The following GREM1 variants were observed in gnomAD, a reference collection of about 807,000 sequenced individuals.
The protein encoded by GREM1 is gremlin 1, DAN family BMP antagonist.
Under a neutral mutation model 13.1 loss-of-function variants are expected in GREM1, and 6 were observed. The observed-to-expected ratio is 0.46, with a 90% CI of 0.25 to 0.91. GREM1 has a LOEUF of 0.91. Ranked by LOEUF, GREM1 falls within the 40% of genes least tolerant of loss-of-function variation. GREM1 has a pLI of 0.18. For missense variants in GREM1, 185 were observed against 233.9 expected, an observed-to-expected ratio of 0.79 and a Z score of 1.36; for synonymous variants, 98 against 93.7, an observed-to-expected ratio of 1.05 and a Z score of -0.27.
In GREM1 at chr15:32,739,267, AC is replaced by A; in HGVS notation, c.*8026del. The A allele has an allele frequency of 6.6e-6, 1 of 152,102 alleles. No individual in the cohort carries two copies. Among genetic ancestry groups the A allele is most frequent in the East Asian group, 1.9e-4 (1 of 5,190 alleles). 9.4% of individuals were successfully genotyped at this position (152,102 alleles called of 1,614,324 possible). ...CATGCTTCACAGAAACTCTCCTTATACCCCACCTCAATTTTAATCTTTTTCT... is the reference window on the plus strand; with the variant it reads ...CATGCTTCACAGAAACTCTCCTTATACCCACCTCAATTTTAATCTTTTTCT... On this transcript the variant is annotated 3_prime_UTR_variant, in exon 2 of 2. Coordinates refer to ENST00000651154, the MANE Select transcript of GREM1 (RefSeq NM_013372.7).
rs1335343582 is a variant in GREM1, at chr15:32,718,180, G to T, written c.-2+19G>T. Reference sequence around the variant, plus strand: ...CTGACAGGTGAGCGCGGACGCACCCGGCAGGGATGTGAGTGGGCGGAGGGA... The same window carrying T: ...CTGACAGGTGAGCGCGGACGCACCCTGCAGGGATGTGAGTGGGCGGAGGGA... On this transcript the variant is annotated intron_variant, in intron 1 of 1. Transcript: ENST00000651154. 3 of 1,340,412 alleles carry T rather than the reference G, an allele frequency of 2.2e-6. No individual in the cohort carries two copies. Among genetic ancestry groups the T allele is most frequent in the Non-Finnish European group, 2.9e-6 (3 of 1,018,002 alleles). 83.0% of individuals were successfully genotyped at this position (1,340,412 alleles called of 1,614,324 possible).
At chr15:32,724,043 G>A (rs982099384) in intron 1 of GREM1, among the ~76,000 whole-genome samples, 3 of 152,288 alleles carry the variant, frequency 2.0e-5, no homozygotes, top group Middle Eastern at 3.4e-3. Flanking sequence ...TAATAATCAT[G>A]CATTTACCAA....
In GREM1 at chr15:32,731,170, A is replaced by C; in HGVS notation, c.480A>C (p.Glu160Asp). The C allele has an allele frequency of 6.2e-7, 1 of 1,614,118 alleles. No individual in the cohort carries two copies. Among genetic ancestry groups the C allele is most frequent in the Non-Finnish European group, 8.5e-7 (1 of 1,179,988 alleles). Residue 160 changes from glutamate (E) to aspartate (D), a missense_variant, in exon 2 of 2, where the codon GAA becomes GAC. Coordinates refer to ENST00000651154, the MANE Select transcript of GREM1 (RefSeq NM_013372.7). ...TTMMVTLNCPELQPPTKKKRV... is the reference protein window; with the variant it reads ...TTMMVTLNCPDLQPPTKKKRV... ...TGATGGTCACACTCAACTGCCCTGAACTACAGCCACCTACCAAGAAGAAGA... is the reference window on the plus strand; with the variant it reads ...TGATGGTCACACTCAACTGCCCTGACCTACAGCCACCTACCAAGAAGAAGA...
chr15:32,718,569 G>T, intron 1 of GREM1: 1 of 433,550 alleles, frequency 2.3e-6, no homozygotes, highest in Non-Finnish European at 4.6e-6. Context: ...CTGACTGCGC[G>T]GCGAGTTGCC....
Position 32,744,298 on chromosome 15 carries a change from G to C in GREM1, c.*13053G>C, listed in dbSNP as rs1202072648. 6.6e-6 allele frequency: 1 copy of C among 152,216 alleles called. No homozygotes were observed. The highest frequency in any genetic ancestry group is 6.5e-5 in the Admixed American group (1 of 15,270). 9.4% of individuals were successfully genotyped at this position (152,216 alleles called of 1,614,324 possible). ...TTAAGAAAGTTTCAGACAGGGCTGG[G>C]CGCGGTGGCTCACACCTGTTAATCC... On this transcript the variant is annotated 3_prime_UTR_variant, in exon 2 of 2. Coordinates refer to ENST00000651154, the MANE Select transcript of GREM1 (RefSeq NM_013372.7).
In GREM1 at chr15:32,742,855, A is replaced by G. The variant is rs976835620; in HGVS notation, c.*11610A>G. The G allele has an allele frequency of 6.6e-6, 1 of 152,238 alleles. No homozygotes were observed. Among genetic ancestry groups the G allele is most frequent in the African/African-American group, 2.4e-5 (1 of 41,466 alleles). The allele number at this position is 152,238 out of a possible 1,614,324, so 9.4% of individuals were successfully genotyped here. On this transcript the variant is annotated 3_prime_UTR_variant, in exon 2 of 2. Transcript: ENST00000651154. ...AGAATAAAATTGGACCCTATCTTAT[A>G]CCAAAAATCAACTCAAAATGGATTA...
rs1371629238 is a variant in GREM1 at position 32,743,754 on chromosome 15, T to A, written c.*12509T>A. The stretch of plus-strand genomic sequence containing the variant: ...TGTAAGGAAACAAAGCTGGCTTACT[T>A]GGGGGCAGGATTTTTTTTTTTCCCA... On this transcript the variant is annotated 3_prime_UTR_variant, in exon 2 of 2. Coordinates refer to ENST00000651154, the MANE Select transcript of GREM1 (RefSeq NM_013372.7). 1 of 149,566 alleles carries A rather than the reference T, an allele frequency of 6.7e-6. No homozygotes were observed. Among genetic ancestry groups the A allele is most frequent in the Non-Finnish European group, 1.5e-5 (1 of 66,672 alleles). The allele number at this position is 149,566 out of a possible 1,614,324, so 9.3% of individuals were successfully genotyped here.
At chr15:32,724,133 T>C (rs929247921) in intron 1 of GREM1, among the ~76,000 whole-genome samples, 1 of 152,246 alleles carries the variant, frequency 6.6e-6, no homozygotes, top group Admixed American at 6.5e-5. Context: ...AGACTAGATA[T>C]TTACTCAATA....
intron 1 of GREM1, among the ~76,000 whole-genome samples, chr15:32,719,365 C>T (rs779280898): frequency 4.6e-5 from 7 of 152,158 alleles, no homozygotes; most frequent in Non-Finnish European, 8.8e-5. Flanking sequence ...CCGGGCCAGG[C>T]GGGGAGGGAC....
intron 1 of GREM1, among the ~76,000 whole-genome samples, chr15:32,723,763 G>A (rs1373894643): frequency 6.6e-6 from 1 of 152,180 alleles, no homozygotes; most frequent in African/African-American, 2.4e-5. Context: ...TAGCTCTGCT[G>A]TTGGCTTCTG....
rs553799642 is a variant in GREM1 at position 32,736,535 on chromosome 15, A to G, written c.*5290A>G. On this transcript the variant is annotated 3_prime_UTR_variant, in exon 2 of 2. Transcript: ENST00000651154. ...AAGTAAAGGGAATGCAGAGTTGTCA[A>G]TTGCATGGCGGAGTGTTGAGTGTGC... is the stretch of plus-strand genomic sequence containing the variant. The G allele has an allele frequency of 2.0e-5, 3 of 152,168 alleles. No individual in the cohort carries two copies. The highest frequency in any genetic ancestry group is 4.4e-5 in the Non-Finnish European group (3 of 68,032). The allele number at this position is 152,168 out of a possible 1,614,324, so 9.4% of individuals were successfully genotyped here.
chr15:32,718,710 G>A, intron 1 of GREM1: 2 of 351,464 alleles, frequency 5.7e-6, no homozygotes, highest in Non-Finnish European at 1.1e-5. Context: ...GAGGTGAGAT[G>A]GAGACTGGCA....
rs1203771749 is a variant in GREM1, at chr15:32,742,526, C to G, written c.*11281C>G. On this transcript the variant is annotated 3_prime_UTR_variant, in exon 2 of 2. Transcript: ENST00000651154. ...TTTTATTTACAGAAATAGAATAATTCTAAAATTCATCTGAAGCCACAAAAG... is the reference window on the plus strand; with the variant it reads ...TTTTATTTACAGAAATAGAATAATTGTAAAATTCATCTGAAGCCACAAAAG... 1 of 152,050 alleles carries G rather than the reference C, an allele frequency of 6.6e-6. No individual in the cohort carries two copies. Among genetic ancestry groups the G allele is most frequent in the Non-Finnish European group, 1.5e-5 (1 of 67,986 alleles). The allele number at this position is 152,050 out of a possible 1,614,324, so 9.4% of individuals were successfully genotyped here.
Position 32,738,118 on chromosome 15 carries a change from A to AC in GREM1, c.*6873_*6874insC, listed in dbSNP as rs1567117521. The AC allele has an allele frequency of 9.8e-5, 13 of 132,704 alleles. No homozygotes were observed. Among genetic ancestry groups the AC allele is most frequent in the Admixed American group, 4.7e-4 (6 of 12,648 alleles). 8.2% of individuals were successfully genotyped at this position (132,704 alleles called of 1,614,324 possible). On this transcript the variant is annotated 3_prime_UTR_variant, in exon 2 of 2. Transcript: ENST00000651154. ...AAAAAAAAAAAAAAAAAAAAAAAAA[A>AC]AAAAAAAAAAAAAAAGAAAAGAAAA...
rs987752843 is a variant in GREM1, at chr15:32,741,323, C to T, written c.*10078C>T. 2.6e-5 allele frequency: 4 copies of T among 151,982 alleles called. No homozygotes were observed. The highest frequency in any genetic ancestry group is 9.6e-5 in the African/African-American group (4 of 41,516). 9.4% of individuals were successfully genotyped at this position (151,982 alleles called of 1,614,324 possible). A position where few individuals can be genotyped will look rare whatever the true frequency, so the allele number is the denominator to read the frequency against. ...AATAAAATCCTTTAGTAAACAGTAT[C>T]TAAGCCTTGTTTTTATGATATTGGG... On this transcript the variant is annotated 3_prime_UTR_variant, in exon 2 of 2. Transcript: ENST00000651154.
intron 1 of GREM1, among the ~76,000 whole-genome samples, chr15:32,724,672 A>T (rs1045354692): frequency 1.3e-5 from 2 of 150,894 alleles, no homozygotes; most frequent in Non-Finnish European, 2.9e-5. Flanking sequence ...AAGTTCTGGG[A>T]TACATGTGCA....
intron 1 of GREM1, among the ~76,000 whole-genome samples, chr15:32,725,754 A>AT (rs2055491156): frequency 6.6e-6 from 1 of 152,006 alleles, no homozygotes; most frequent in Non-Finnish European, 1.5e-5. Context: ...TTCTTCTAGG[A>AT]TTTTTATGGT....
At position 32,731,954 on chromosome 15, in the gene GREM1, T is replaced by G. The variant is rs1230678232; in HGVS notation, c.*709T>G. ...GTCCAGCAAAAGTCAGTAGGGACAT[T>G]GCAGAAGCTTGAAAGGCCAATACCA... On this transcript the variant is annotated 3_prime_UTR_variant, in exon 2 of 2. Coordinates refer to ENST00000651154, the MANE Select transcript of GREM1 (RefSeq NM_013372.7). 1 of 231,872 alleles carries G rather than the reference T, an allele frequency of 4.3e-6. No individual in the cohort carries two copies. The highest frequency in any genetic ancestry group is 9.3e-6 in the Non-Finnish European group (1 of 107,864). 14.4% of individuals were successfully genotyped at this position (231,872 alleles called of 1,614,324 possible).
At position 32,738,124 on chromosome 15, in the gene GREM1, A is replaced by C. The variant is rs1192532484; in HGVS notation, c.*6879A>C. ...AAAAAAAAAAAAAAAAAAAAAAAAA[A>C]AAAAAAAAAGAAAAGAAAAAAGTCA... On this transcript the variant is annotated 3_prime_UTR_variant, in exon 2 of 2. Transcript: ENST00000651154. 1.1e-4 allele frequency: 15 copies of C among 141,356 alleles called. No homozygotes were observed. Among genetic ancestry groups the C allele is most frequent in the East Asian group, 2.0e-4 (1 of 4,934 alleles). The allele number at this position is 141,356 out of a possible 1,614,324, so 8.8% of individuals were successfully genotyped here.
Sources: gnomAD v4.1 joint callset for allele counts (sites outside exome capture counted in the v4.1 genomes callset) on GRCh38, gnomAD v4.1.1 for gene constraint, MANE v1.5 for transcripts, NCBI Gene and HGNC (gene_info 2026-07-23, HGNC 2026-07-21) for gene names.